MYO1E: variants seen among roughly 807,000 people sequenced by gnomAD.
MYO1E encodes the protein myosin IE, also known as unconventional myosin-Ie.
In MYO1E, 68 loss-of-function variants were observed where a neutral mutation model predicts 151.1. That is an observed-to-expected ratio of 0.45 (90% CI 0.37 to 0.55). The LOEUF (loss-of-function observed/expected upper bound fraction) is 0.55. Ranked by LOEUF, MYO1E falls within the 20% of genes least tolerant of loss-of-function variation. The probability of loss-of-function intolerance (pLI) is 0.00; values close to 1 mark genes in which losing one functional copy is unlikely to be tolerated. For synonymous variants in MYO1E, 601 were observed against 501.7 expected (o/e 1.20, Z -2.64); for missense variants, 1,363 against 1,389.3 (o/e 0.98, Z 0.30).
At chr15:59,189,027 T>C (rs1359863618) in intron 17 of MYO1E, among the ~76,000 whole-genome samples, 1 of 152,252 alleles carries the variant, frequency 6.6e-6, no homozygotes, top group African/African-American at 2.4e-5. Context: ...GTCTAAAATA[T>C]ATCTAAATTA....
intron 1 of MYO1E, among the ~76,000 whole-genome samples, chr15:59,351,943 C>T (rs1450719580): frequency 6.6e-6 from 1 of 152,154 alleles, no homozygotes; most frequent in African/African-American, 2.4e-5. Context: ...ATTGATCGTC[C>T]CCATTCTGGA....
At position 59,320,368 on chromosome 15, in the gene MYO1E, T is replaced by C. The variant is rs142686191; in HGVS notation, c.4-47919A>G. ...AAAAAGGGCCCAAATACAAAAGCAA[T>C]CCTAAGCAAAAAAGAATAAAGCCAG... On this transcript the variant is annotated intron_variant, in intron 1 of 27. Coordinates refer to ENST00000288235, the MANE Select transcript of MYO1E (RefSeq NM_004998.4). 6.9e-3 allele frequency among the ~76,000 whole-genome samples: 1,042 copies of C among 151,918 alleles called. 11 individuals are homozygous for C. Among genetic ancestry groups the C allele is most frequent in the African/African-American group, 0.024 (979 of 41,430 alleles).
intron 14 of MYO1E, among the ~76,000 whole-genome samples, chr15:59,206,423 T>C (rs1251479022): frequency 1.3e-5 from 2 of 152,146 alleles, no homozygotes; most frequent in East Asian, 1.9e-4. Flanking sequence ...ACCAAGGCAG[T>C]GGAATCCTTT....
At chr15:59,364,573 C>A (rs1416700667) in intron 1 of MYO1E, among the ~76,000 whole-genome samples, 1 of 152,118 alleles carries the variant, frequency 6.6e-6, no homozygotes, top group African/African-American at 2.4e-5. Context: ...AATAACAGAA[C>A]ACAAATTGTA....
chr15:59,372,454 C>T (rs1266044614), intron 1 of MYO1E, 44 bp downstream of exon 1: 1 of 1,536,770 alleles, frequency 6.5e-7, no homozygotes, highest in Admixed American at 2.0e-5. Flanking sequence ...TTTCCTGCCC[C>T]GTCCCCGGGT....
At chr15:59,262,208 C>CA (rs34250993) in intron 2 of MYO1E, among the ~76,000 whole-genome samples, 26,367 of 141,012 alleles carry the variant, frequency 0.19, 2,951 homozygotes, top group East Asian at 0.55. Context: ...CTCTTGTCTC[C>CA]AAAAAAAAAA....
chr15:59,309,510 G>C (rs2080536779), intron 1 of MYO1E, among the ~76,000 whole-genome samples: 1 of 152,194 alleles, frequency 6.6e-6, no homozygotes, highest in Non-Finnish European at 1.5e-5. Context: ...GTGATGCCAT[G>C]ACCTGCAACA....
At chr15:59,309,224 T>C (rs2080534928) in intron 1 of MYO1E, among the ~76,000 whole-genome samples, 3 of 152,156 alleles carry the variant, frequency 2.0e-5, no homozygotes, top group South Asian at 4.1e-4. Flanking sequence ...CCCGGCACCT[T>C]ACATACATTA....
At chr15:59,214,879 C>G (rs2079903693) in intron 10 of MYO1E, among the ~76,000 whole-genome samples, 159 bp from the exon 11 acceptor site, 1 of 152,186 alleles carries the variant, frequency 6.6e-6, no homozygotes, top group African/African-American at 2.4e-5. Context: ...TTAACAATCT[C>G]TCAGTCCAAA....
intron 26 of MYO1E, among the ~76,000 whole-genome samples, chr15:59,151,010 GACACACACACACACACAC>G (rs60541381): frequency 0.016 from 2,222 of 141,188 alleles, 44 homozygotes; most frequent in African/African-American, 0.052. Context: ...AGAGGAGAGG[GACACACACACACACACAC>G]ACACACACAC....
At position 59,191,332 on chromosome 15, in the gene MYO1E, C is replaced by CAGAGAGAGAGAGAGAGAGAG. The variant is rs34694267; in HGVS notation, c.1806-3136_1806-3117dup. Among the ~76,000 whole-genome samples the CAGAGAGAGAGAGAGAGAGAG allele has an allele frequency of 3.2e-3, 342 of 105,682 alleles. 7 individuals carry two copies. Among genetic ancestry groups the CAGAGAGAGAGAGAGAGAGAG allele is most frequent in the African/African-American group, 9.3e-3 (270 of 28,998 alleles). 69.3% of individuals were successfully genotyped at this position (105,682 alleles called of 152,430 possible). ...CCCATATAAGTCAGACAGACAGAGA[C>CAGAGAGAGAGAGAGAGAGAG]AGAGAGAGAGAGAGAGAGAGAGAGA... On this transcript the variant is annotated intron_variant, in intron 17 of 27. Transcript: ENST00000288235.
At chr15:59,279,709 A>C (rs1333806946) in intron 1 of MYO1E, among the ~76,000 whole-genome samples, 1 of 152,188 alleles carries the variant, frequency 6.6e-6, no homozygotes, top group Non-Finnish European at 1.5e-5. Flanking sequence ...GATCCAGTGC[A>C]TGGAAGGTGC....
intron 1 of MYO1E, among the ~76,000 whole-genome samples, chr15:59,320,839 C>G (rs1423230562): frequency 1.3e-5 from 2 of 152,084 alleles, no homozygotes; most frequent in Non-Finnish European, 2.9e-5. Context: ...CAGGTGGAAC[C>G]TGATTAAACT....
chr15:59,264,185 C>CA (rs1300863872), intron 2 of MYO1E, among the ~76,000 whole-genome samples: 15 of 152,064 alleles, frequency 9.9e-5, no homozygotes, highest in Non-Finnish European at 2.1e-4. Context: ...TGTCGATTAT[C>CA]AAAACATTTC....
intron 1 of MYO1E, among the ~76,000 whole-genome samples, chr15:59,316,510 A>G (rs1324775394): frequency 6.6e-6 from 1 of 152,260 alleles, no homozygotes; most frequent in Non-Finnish European, 1.5e-5. Flanking sequence ...GAAGAGAAAG[A>G]AAGAAAACGA....
At chr15:59,372,304 T>G (rs1350541270) in intron 1 of MYO1E, among the ~76,000 whole-genome samples, 194 bp downstream of exon 1, 3 of 152,266 alleles carry the variant, frequency 2.0e-5, no homozygotes, top group African/African-American at 7.2e-5. Context: ...AAGTTTTCCT[T>G]GGCCCCTCGC....
At chr15:59,217,808 G>A (rs1357240703) in intron 10 of MYO1E, 83 bp downstream of exon 10, 2 of 1,492,058 alleles carry the variant, frequency 1.3e-6, no homozygotes, top group Non-Finnish European at 1.9e-6. Context: ...GATTACAGGT[G>A]TGAGCCACCG....
intron 12 of MYO1E, 91 bp downstream of exon 12, chr15:59,214,137 C>G: frequency 9.1e-7 from 1 of 1,099,330 alleles, no homozygotes. Context: ...AAGACTGGAA[C>G]CGAAATCTAT....
Position 59,154,931 on chromosome 15 carries a change from T to C in MYO1E, c.2879-1140A>G, listed in dbSNP as rs139318558. 4.7e-3 allele frequency among the ~76,000 whole-genome samples: 723 copies of C among 152,348 alleles called. 14 individuals carry two copies. The highest frequency in any genetic ancestry group is 0.016 in the African/African-American group (681 of 41,574). ...GTGGCTCCTCATCCAGCCATGTCTC[T>C]AGCAATTTCCTCCCACAGGCCGTCA... On this transcript the variant is annotated intron_variant, in intron 25 of 27. Coordinates refer to ENST00000288235, the MANE Select transcript of MYO1E (RefSeq NM_004998.4).
Sources: allele counts gnomAD v4.1 joint callset (sites outside exome capture counted in the v4.1 genomes callset), GRCh38; gene constraint gnomAD v4.1.1; transcripts MANE v1.5; gene names NCBI Gene and HGNC (gene_info 2026-07-23, HGNC 2026-07-21).